NUP107: variants seen among roughly 807,000 people sequenced by gnomAD.
NUP107 encodes the protein nuclear pore complex protein Nup107.
A neutral mutation model predicts 141.0 loss-of-function variants in NUP107; 101 were observed. The ratio of observed to expected loss-of-function variants is 0.72; its 90% confidence interval spans 0.61 to 0.84. The LOEUF is 0.84. NUP107 is among the 40% of genes least tolerant of loss of function. NUP107 has a pLI of 0.00. For synonymous variants in NUP107, 319 were observed against 363.9 expected, an observed-to-expected ratio of 0.88 and a Z score of 1.41; for missense variants, 941 against 1,102.7, an observed-to-expected ratio of 0.85 and a Z score of 2.08.
intron 5 of NUP107, among the ~76,000 whole-genome samples, chr12:68,693,085 A>AC (rs1555176061): frequency 6.7e-4 from 88 of 132,062 alleles, no homozygotes; most frequent in Non-Finnish European, 1.2e-3. Flanking sequence ...TTATTTATTT[A>AC]TTTTTTTTTT....
At chr12:68,735,870 C>A (rs1295308315) in intron 26 of NUP107, among the ~76,000 whole-genome samples, 4 of 152,114 alleles carry the variant, frequency 2.6e-5, no homozygotes, top group African/African-American at 9.7e-5. Context: ...ACAGAAGTAT[C>A]AAGTGCCATA....
intron 8 of NUP107, chr12:68,706,279 A>T (rs1252476912): frequency 6.1e-6 from 5 of 824,180 alleles, no homozygotes; most frequent in Non-Finnish European, 1.1e-5. Flanking sequence ...CTCACCTGGA[A>T]GGGCTTACTG....
In NUP107 at chr12:68,742,533, A is replaced by AT; in HGVS notation, c.*77dup. 1 of 809,886 alleles carries AT rather than the reference A, an allele frequency of 1.2e-6. No individual in the cohort carries two copies. Among genetic ancestry groups the AT allele is most frequent in the Non-Finnish European group, 1.9e-6 (1 of 521,190 alleles). 50.2% of individuals were successfully genotyped at this position (809,886 alleles called of 1,614,324 possible). A position where few individuals can be genotyped will look rare whatever the true frequency, so the allele number is the denominator to read the frequency against. On this transcript the variant is annotated 3_prime_UTR_variant, in exon 28 of 28. Coordinates refer to ENST00000229179, the MANE Select transcript of NUP107 (RefSeq NM_020401.4). ...TAATAAAATATACTTGTTATTAGTA[A>AT]TTTTTTCTTTTGCATTACCATGTAA...
chr12:68,740,950 G>A (rs1180032615), intron 26 of NUP107, among the ~76,000 whole-genome samples: 1 of 151,916 alleles, frequency 6.6e-6, no homozygotes, highest in Non-Finnish European at 1.5e-5. Context: ...GGGAGGCTGA[G>A]GTAGGAGGAT....
chr12:68,694,873 T>G (rs2546508), intron 5 of NUP107, among the ~76,000 whole-genome samples: 51,064 of 151,962 alleles, frequency 0.34, 8,668 homozygotes, highest in Middle Eastern at 0.36. Context: ...TGCACCTCCA[T>G]CCTGGGCAAC....
chr12:68,706,692 A>G, intron 8 of NUP107: 1 of 744,688 alleles, frequency 1.3e-6, no homozygotes, highest in Non-Finnish European at 2.5e-6. Flanking sequence ...CAAGCTGTCC[A>G]AGCTGGAGGT....
chr12:68,728,570 C>A (rs894115166), intron 20 of NUP107, among the ~76,000 whole-genome samples: 4 of 151,508 alleles, frequency 2.6e-5, no homozygotes, highest in African/African-American at 7.3e-5. Flanking sequence ...ATTAAAGGTG[C>A]TGGCTAATTG....
rs756700880 is a variant in NUP107 at position 68,730,214 on chromosome 12, CTTT to C, written c.1735-877_1735-875del. 1.7e-3 allele frequency among the ~76,000 whole-genome samples: 148 copies of C among 85,380 alleles called. 1 individual carries two copies. Among genetic ancestry groups the C allele is most frequent in the African/African-American group, 4.0e-3 (93 of 23,214 alleles). The allele number at this position is 85,380 out of a possible 152,430, so 56.0% of individuals were successfully genotyped here. On this transcript the variant is annotated intron_variant, in intron 20 of 27. Transcript: ENST00000229179. ...CTCCTGCCCTCAGGGGTGATACTAC[CTTT>C]TTTTTTTTTTTTTTTTTTGAGAGAG...
In NUP107 at chr12:68,743,410, GAA is replaced by G. The variant is rs1398791025; in HGVS notation, c.*950_*951del. On this transcript the variant is annotated 3_prime_UTR_variant, in exon 28 of 28. Transcript: ENST00000229179. ...GAGCGAGACACTGTCTCCAAAAAAA[GAA>G]AGAATTACAAGTAGTCTGAGCAGGA... 1 of 152,114 alleles carries G rather than the reference GAA, an allele frequency of 6.6e-6. No homozygotes were observed. The highest frequency in any genetic ancestry group is 1.9e-4 in the East Asian group (1 of 5,180). The allele number at this position is 152,114 out of a possible 1,614,324, so 9.4% of individuals were successfully genotyped here.
At chr12:68,715,814 C>T in intron 12 of NUP107, 74 bp downstream of exon 12, 1 of 859,792 alleles carries the variant, frequency 1.2e-6, no homozygotes, top group South Asian at 1.6e-5. Flanking sequence ...ATTTTTGTGG[C>T]TGCCTAGTAA....
intron 26 of NUP107, among the ~76,000 whole-genome samples, chr12:68,736,847 A>C (rs1032609896): frequency 4.7e-5 from 7 of 150,460 alleles, no homozygotes; most frequent in Non-Finnish European, 2.9e-5. Context: ...GATTACAGGC[A>C]TCCACCACCA....
At chr12:68,710,511 C>T (rs893201082) in intron 10 of NUP107, among the ~76,000 whole-genome samples, 12 of 151,854 alleles carry the variant, frequency 7.9e-5, no homozygotes, top group Non-Finnish European at 1.5e-4. Context: ...AAAAATTAGC[C>T]GGGTTTGGTG....
intron 12 of NUP107, among the ~76,000 whole-genome samples, chr12:68,719,079 G>A (rs1877240143): frequency 6.6e-6 from 1 of 152,080 alleles, no homozygotes; most frequent in Non-Finnish European, 1.5e-5. Context: ...AGTAGAGATG[G>A]GGTTTCACCA....
At chr12:68,705,597 C>A (rs1296867775) in intron 8 of NUP107, 1 of 420,516 alleles carries the variant, frequency 2.4e-6, no homozygotes, top group Non-Finnish European at 4.6e-6. Flanking sequence ...GAATCTCCGC[C>A]TAGCTCAGCC....
At chr12:68,720,926 T>A (rs902357618) in intron 14 of NUP107, among the ~76,000 whole-genome samples, 192 bp from the exon 15 acceptor site, 1 of 152,192 alleles carries the variant, frequency 6.6e-6, no homozygotes, top group African/African-American at 2.4e-5. Context: ...TTCCTCTAGA[T>A]TTCAGCATTT....
intron 8 of NUP107, among the ~76,000 whole-genome samples, chr12:68,703,065 C>T (rs752755215): frequency 4.6e-5 from 7 of 152,126 alleles, no homozygotes; most frequent in East Asian, 1.9e-4. Flanking sequence ...AAGCTGGTCT[C>T]GAACTTCTGA....
At chr12:68,728,689 C>T (rs981535352) in intron 20 of NUP107, among the ~76,000 whole-genome samples, 6 of 148,644 alleles carry the variant, frequency 4.0e-5, no homozygotes, top group Non-Finnish European at 8.9e-5. Context: ...GGATTACAGG[C>T]GTGAACCACG....
At chr12:68,727,446 C>G (rs988455128) in intron 20 of NUP107, 57 bp downstream of exon 20, 5 of 954,478 alleles carry the variant, frequency 5.2e-6, no homozygotes, top group Non-Finnish European at 8.1e-6. Context: ...GAAAACAAAA[C>G]TCAGAATGAT....
intron 23 of NUP107, 81 bp downstream of exon 23, chr12:68,732,820 C>A: frequency 1.1e-6 from 1 of 902,290 alleles, no homozygotes; most frequent in Non-Finnish European, 1.7e-6. Context: ...GCTGGGACTA[C>A]AGGCACCCAC....
Sources: allele counts gnomAD v4.1 joint callset (sites outside exome capture counted in the v4.1 genomes callset), GRCh38; gene constraint gnomAD v4.1.1; transcripts MANE v1.5; gene names NCBI Gene and HGNC (gene_info 2026-07-23, HGNC 2026-07-21).